NEB: variants seen among roughly 807,000 people sequenced by gnomAD.
NEB encodes nebulin, also known as nemaline myopathy type 2.
Under a neutral mutation model 952.2 loss-of-function variants are expected in NEB, and 512 were observed. That is an observed-to-expected ratio of 0.54 (90% CI 0.50 to 0.58). NEB has a LOEUF of 0.58. NEB is among the 20% of genes least tolerant of loss of function. The pLI, the probability that NEB is intolerant of heterozygous loss-of-function variation, is 0.00. For missense variants in NEB, 8,428 were observed against 9,231.1 expected, an observed-to-expected ratio of 0.91 and a Z score of 3.56; for synonymous variants, 2,900 against 3,149.8, an observed-to-expected ratio of 0.92 and a Z score of 2.66.
At position 151,549,696 on chromosome 2, in the gene NEB, T is replaced by A. The variant is rs755153044; in HGVS notation, c.19989A>T (p.Arg6663Ser). The A allele has an allele frequency of 2.5e-5, 40 of 1,600,148 alleles. No homozygotes were observed. In the Admixed American group the frequency reaches 3.4e-4, roughly 14 times the overall value. Residue 6663 changes from arginine to serine, a missense_variant, in exon 130 of 182, where the codon AGA becomes AGT. Arg to Ser is a moderately radical substitution (Grantham distance 110). This residue lies in a region of NEB where 3,374 missense variants were observed against 3,651.5 expected (regional missense o/e 0.92). Transcript: ENST00000397345. ...TGAAGTGAGGAGTGTCACCTGGAAG[T>A]CTATATCCAGTGGGCAGGGTGCGCA... is the stretch of plus-strand genomic sequence containing the variant. ...TSLRTLPTGY[R>S]LPGDTPHFKH...
intron 106 of NEB, 28 bp downstream of exon 106, chr2:151,576,123 C>T (rs760658877): frequency 6.6e-7 from 1 of 1,506,396 alleles, no homozygotes; most frequent in African/African-American, 1.4e-5. Context: ...GGCATTAATT[C>T]AATTTTAATA....
intron 57 of NEB, 103 bp downstream of exon 57, chr2:151,643,715 G>T (rs545466072): frequency 2.0e-5 from 30 of 1,517,448 alleles, no homozygotes; most frequent in Non-Finnish European, 2.7e-5. Flanking sequence ...TTGGGCATTA[G>T]TCCAGGGTAA....
In NEB at chr2:151,654,038, G is replaced by A. The variant is rs756114192; in HGVS notation, c.6869C>T (p.Ala2290Val). 8 of 1,612,472 alleles carry A rather than the reference G, an allele frequency of 5.0e-6. No individual in the cohort carries two copies. The African/African-American group carries it at 6.7e-5, about 13-fold the overall frequency. ...AGCTTTAGCTAGCTGTACAGAAATT[G>A]CATCAACTGGGAGATCATAGCCTTT... ...LKKGYDLPVDAISVQLAKASR... is the reference protein window; with the variant it reads ...LKKGYDLPVDVISVQLAKASR... The change falls in exon 52 of 182, where the codon GCA becomes GTA. Residue 2290 changes from alanine to valine, a missense_variant. Physicochemically the swap from Ala to Val is moderately conservative, Grantham distance 64. Transcript: ENST00000397345.
intron 39 of NEB, 149 bp from the exon 40 acceptor site, chr2:151,668,060 T>G: frequency 1.7e-6 from 1 of 604,494 alleles, no homozygotes; most frequent in Non-Finnish European, 2.8e-6. Flanking sequence ...TTGTCTTTTA[T>G]GTATATAATT....
intron 13 of NEB, among the ~76,000 whole-genome samples, chr2:151,699,013 T>C (rs1372499040): frequency 1.7e-5 from 2 of 118,104 alleles, no homozygotes; most frequent in Admixed American, 9.1e-5. Flanking sequence ...ATGCTATCCC[T>C]CCCCCCTCCC....
At chr2:151,621,748 A>G (rs994357513) in intron 71 of NEB, among the ~76,000 whole-genome samples, 8 of 152,346 alleles carry the variant, frequency 5.3e-5, no homozygotes, top group African/African-American at 1.7e-4. Flanking sequence ...AATGGCTTTT[A>G]GCCCTTTTTG....
rs1326604349 is a variant in NEB at position 151,548,973 on chromosome 2, G to A, written c.20050-558C>T. ...CACCAGCGGCTCATTGTGGTCTGCA[G>A]GCCAGACTTACTGGGATGGCCACGA... On this transcript the variant is annotated intron_variant, in intron 130 of 181. Transcript: ENST00000397345. 2.6e-5 allele frequency among the ~76,000 whole-genome samples: 4 copies of A among 152,146 alleles called. No individual in the cohort carries two copies. In the East Asian group the frequency reaches 7.7e-4, roughly 29 times the overall value.
intron 153 of NEB, among the ~76,000 whole-genome samples, chr2:151,523,186 G>C (rs1211177070): frequency 6.6e-6 from 1 of 151,640 alleles, no homozygotes; most frequent in Non-Finnish European, 1.5e-5. Context: ...TTTTTTTGTT[G>C]GTGGTGGTGA....
intron 9 of NEB, among the ~76,000 whole-genome samples, chr2:151,719,384 T>C (rs1431555039): frequency 6.6e-6 from 1 of 152,218 alleles, no homozygotes; most frequent in African/African-American, 2.4e-5. Flanking sequence ...ATGGCAGTGT[T>C]CTTATTTATC....
chr2:151,625,750 A>G, intron 70 of NEB, 112 bp from the exon 71 acceptor site: 1 of 578,624 alleles, frequency 1.7e-6, no homozygotes, highest in South Asian at 3.5e-5. Flanking sequence ...TGTCTGTTCC[A>G]TGTATGTTAA....
chr2:151,675,027 A>G (rs1559117687), intron 35 of NEB, among the ~76,000 whole-genome samples: 1 of 152,218 alleles, frequency 6.6e-6, no homozygotes, highest in Non-Finnish European at 1.5e-5. Context: ...CAAAACTAGG[A>G]AAACCAAGTA....
rs564969085 is a variant in NEB, at chr2:151,714,213, C to T, written c.822+3203G>A. On this transcript the variant is annotated intron_variant, in intron 10 of 181. Coordinates refer to ENST00000397345, the MANE Select transcript of NEB (RefSeq NM_001164508.2). ...ACCTACCAAAGAAGAAAACAATTCC[C>T]TCTGACCCCTTCCCTGAGTTTTCAA... Among the ~76,000 whole-genome samples the T allele has an allele frequency of 5.0e-4, 76 of 152,282 alleles. 2 individuals carry two copies. The South Asian group carries it at 0.013, about 27-fold the overall frequency.
chr2:151,689,718 C>T (rs1368637252), intron 24 of NEB: 1 of 152,212 alleles, frequency 6.6e-6, no homozygotes, highest in Non-Finnish European at 1.5e-5. Flanking sequence ...TTGATAGTGA[C>T]TGTGACCACA....
intron 4 of NEB, among the ~76,000 whole-genome samples, chr2:151,729,160 C>T (rs2099799545): frequency 6.6e-6 from 1 of 152,144 alleles, no homozygotes; most frequent in African/African-American, 2.4e-5. Flanking sequence ...TTCAATGCAT[C>T]ATCAGGGACG....
chr2:151,693,696 T>C (rs2099575321), intron 20 of NEB, among the ~76,000 whole-genome samples: 1 of 152,174 alleles, frequency 6.6e-6, no homozygotes, highest in Admixed American at 6.5e-5. Flanking sequence ...CTATTGTGAA[T>C]AGTGCTGCAA....
chr2:151,727,880 C>T lies in NEB; in HGVS notation c.105G>A (p.Thr35=), dbSNP rs368075131. 110 of 1,613,320 alleles carry T rather than the reference C, an allele frequency of 6.8e-5. No homozygotes were observed. The African/African-American group carries it at 1.1e-3, about 15-fold the overall frequency. ...GETITKIYET[T]TTRTSDYEQS... Reference sequence around the variant, plus strand: ...GCTCATAGTCAGATGTCCTTGTTGTCGTAGTCTCATAAATTTTTGTTATTG... The same window carrying T: ...GCTCATAGTCAGATGTCCTTGTTGTTGTAGTCTCATAAATTTTTGTTATTG... Residue 35 remains threonine, a synonymous_variant, in exon 5 of 182, where the codon ACG becomes ACA. Coordinates refer to ENST00000397345, the MANE Select transcript of NEB (RefSeq NM_001164508.2).
chr2:151,637,334 G>A (rs760395134), intron 63 of NEB, among the ~76,000 whole-genome samples: 2 of 152,154 alleles, frequency 1.3e-5, no homozygotes, highest in Non-Finnish European at 2.9e-5. Flanking sequence ...GTGAATCAAG[G>A]CACCACTGTG....
rs185529193 is a variant in NEB, at chr2:151,619,886, G to A, written c.10561-124C>T. 4.0e-5 allele frequency: 39 copies of A among 973,932 alleles called. No individual in the cohort carries two copies. In the East Asian group the frequency reaches 7.0e-4, roughly 17 times the overall value. The allele number at this position is 973,932 out of a possible 1,614,324, so 60.3% of individuals were successfully genotyped here. ...GAGGAGTTTCACTGGTCATGCTGCT[G>A]TAACGCCACATATTGGACTGTTGTG... On this transcript the variant is annotated intron_variant, in intron 72 of 181. Coordinates refer to ENST00000397345, the MANE Select transcript of NEB (RefSeq NM_001164508.2).
At chr2:151,686,699 G>C (rs2099502558) in intron 27 of NEB, among the ~76,000 whole-genome samples, 1 of 151,980 alleles carries the variant, frequency 6.6e-6, no homozygotes. Flanking sequence ...AAAAAAACTA[G>C]TATCTGCAAG....
Sources: gnomAD v4.1 joint callset for allele counts (sites outside exome capture counted in the v4.1 genomes callset) on GRCh38, gnomAD v4.1.1 for gene constraint, gnomAD v4.1.1 regional missense constraint, MANE v1.5 for transcripts, NCBI Gene and HGNC (gene_info 2026-07-23, HGNC 2026-07-21) for gene names.